HS3ST4: variants seen among roughly 807,000 people sequenced by gnomAD.
HS3ST4 encodes heparan sulfate glucosamine 3-O-sulfotransferase 4.
HS3ST4 carries 17 observed loss-of-function variants against 29.2 expected under a neutral mutation model. The ratio of observed to expected loss-of-function variants is 0.58; its 90% confidence interval spans 0.40 to 0.87. The LOEUF is 0.87. Among genes scored for constraint, HS3ST4 ranks in the 40% least tolerant of loss-of-function variants. The pLI, the probability that HS3ST4 is intolerant of heterozygous loss-of-function variation, is 0.00. For synonymous variants in HS3ST4, 314 were observed against 285.7 expected (o/e 1.10, Z -1.00); for missense variants, 627 against 634.5 (o/e 0.99, Z 0.13).
At chr16:26,102,834 AG>A (rs1436830255) in intron 1 of HS3ST4, among the ~76,000 whole-genome samples, 1 of 152,178 alleles carries the variant, frequency 6.6e-6, no homozygotes, top group Non-Finnish European at 1.5e-5. Flanking sequence ...AGTTTTTCAA[AG>A]GCGTTGCAGG....
At chr16:25,857,412 C>CT (rs1967584453) in intron 1 of HS3ST4, among the ~76,000 whole-genome samples, 1 of 152,146 alleles carries the variant, frequency 6.6e-6, no homozygotes, top group African/African-American at 2.4e-5. Flanking sequence ...TGTCTAAGGT[C>CT]TTTACATGCT....
chr16:25,964,950 A>C (rs1435339672), intron 1 of HS3ST4, among the ~76,000 whole-genome samples: 1 of 152,174 alleles, frequency 6.6e-6, no homozygotes, highest in Admixed American at 6.6e-5. Flanking sequence ...TTATTCTGCA[A>C]ATATTTAATA....
intron 1 of HS3ST4, among the ~76,000 whole-genome samples, chr16:25,873,534 C>G (rs1967790402): frequency 6.7e-6 from 1 of 149,416 alleles, no homozygotes; most frequent in African/African-American, 2.5e-5. Flanking sequence ...GTCTATCTAT[C>G]TATCTTTCTC....
At chr16:26,054,572 C>A (rs182230256) in intron 1 of HS3ST4, among the ~76,000 whole-genome samples, 3 of 152,238 alleles carry the variant, frequency 2.0e-5, no homozygotes, top group East Asian at 3.9e-4. Context: ...GTCCGAAAAC[C>A]ATTGGTGCAA....
At chr16:25,721,081 A>G (rs1226826652) in intron 1 of HS3ST4, among the ~76,000 whole-genome samples, 6 of 152,228 alleles carry the variant, frequency 3.9e-5, no homozygotes, top group Non-Finnish European at 8.8e-5. Context: ...AAAGGAAGTG[A>G]CACTTCAACT....
chr16:25,766,230 T>A (rs1167545040), intron 1 of HS3ST4, among the ~76,000 whole-genome samples: 1 of 151,800 alleles, frequency 6.6e-6, no homozygotes, highest in Non-Finnish European at 1.5e-5. Flanking sequence ...CCCAGGGTAG[T>A]GAGGATGAAG....
chr16:25,814,450 C>A (rs1967072595), intron 1 of HS3ST4, among the ~76,000 whole-genome samples: 1 of 152,170 alleles, frequency 6.6e-6, no homozygotes, highest in African/African-American at 2.4e-5. Flanking sequence ...GGATTTAAGC[C>A]ATTCTCCTGC....
chr16:25,776,899 T>C (rs1236836442), intron 1 of HS3ST4, among the ~76,000 whole-genome samples: 4 of 152,260 alleles, frequency 2.6e-5, no homozygotes, highest in Non-Finnish European at 5.9e-5. Flanking sequence ...GACTAAGTCA[T>C]GTTTGTCTAA....
At chr16:26,004,774 A>T (rs1310799429) in intron 1 of HS3ST4, among the ~76,000 whole-genome samples, 1 of 152,210 alleles carries the variant, frequency 6.6e-6, no homozygotes, top group East Asian at 1.9e-4. Context: ...ATGATGTGGC[A>T]CATCATGATA....
In HS3ST4 at chr16:25,980,891, A is replaced by G. The variant is rs148008584; in HGVS notation, c.735-154721A>G. Reference sequence around the variant, plus strand: ...AGTGAGTGCCTTTATTGTGGTTTTCATGGGAAAGAATGGGCGAGGCAGTGC... The same window carrying G: ...AGTGAGTGCCTTTATTGTGGTTTTCGTGGGAAAGAATGGGCGAGGCAGTGC... On this transcript the variant is annotated intron_variant, in intron 1 of 1. Transcript: ENST00000331351. Among the ~76,000 whole-genome samples, 744 of 152,258 alleles carry G rather than the reference A, an allele frequency of 4.9e-3. 9 individuals are homozygous for G. Among genetic ancestry groups the G allele is most frequent in the African/African-American group, 0.017 (708 of 41,554 alleles).
chr16:26,134,357 C>CTTTTTTTTTTTTTTTT (rs1167036022), intron 1 of HS3ST4, among the ~76,000 whole-genome samples: 15 of 109,066 alleles, frequency 1.4e-4, no homozygotes, highest in South Asian at 3.0e-4. Flanking sequence ...CTTTTCTTTT[C>CTTTTTTTTTTTTTTTT]TTTTCTTTTT....
At chr16:25,774,835 C>G (rs1360534837) in intron 1 of HS3ST4, among the ~76,000 whole-genome samples, 1 of 152,192 alleles carries the variant, frequency 6.6e-6, no homozygotes, top group Non-Finnish European at 1.5e-5. Flanking sequence ...CAGCAGTCTG[C>G]TTGCATTCCA....
chr16:25,876,535 A>G (rs1967834852), intron 1 of HS3ST4, among the ~76,000 whole-genome samples: 1 of 152,122 alleles, frequency 6.6e-6, no homozygotes, highest in Admixed American at 6.5e-5. Flanking sequence ...AGTGGAATTC[A>G]TACTCCTCTT....
At chr16:25,831,390 C>T (rs982731765) in intron 1 of HS3ST4, among the ~76,000 whole-genome samples, 10 of 124,642 alleles carry the variant, frequency 8.0e-5, no homozygotes, top group Admixed American at 2.5e-4. Context: ...AATGAGACCC[C>T]GTCTCTACAC....
intron 1 of HS3ST4, among the ~76,000 whole-genome samples, chr16:25,790,439 A>C (rs1317014546): frequency 6.6e-6 from 1 of 152,174 alleles, no homozygotes; most frequent in Non-Finnish European, 1.5e-5. Context: ...AAACAAACAA[A>C]TAAAAACTAA....
intron 1 of HS3ST4, among the ~76,000 whole-genome samples, chr16:26,111,478 C>T (rs538870830): frequency 3.3e-5 from 5 of 151,030 alleles, no homozygotes; most frequent in Non-Finnish European, 7.4e-5. Context: ...AAAACACAGG[C>T]AAAAATGTGT....
intron 1 of HS3ST4, among the ~76,000 whole-genome samples, chr16:25,745,885 T>C (rs1966682211): frequency 6.6e-6 from 1 of 152,230 alleles, no homozygotes; most frequent in African/African-American, 2.4e-5. Flanking sequence ...TCATCTGGTC[T>C]GTATAGTATC....
intron 1 of HS3ST4, among the ~76,000 whole-genome samples, chr16:25,785,580 G>GA (rs1966856659): frequency 6.6e-6 from 1 of 152,192 alleles, no homozygotes. Flanking sequence ...TATGTCAGAA[G>GA]ATTGGCATGA....
chr16:25,750,235 A>T (rs993286895), intron 1 of HS3ST4, among the ~76,000 whole-genome samples: 1 of 152,312 alleles, frequency 6.6e-6, no homozygotes, highest in East Asian at 1.9e-4. Context: ...TCCTCACAGC[A>T]TGGAGACCTC....
Sources: allele counts gnomAD v4.1 joint callset (sites outside exome capture counted in the v4.1 genomes callset), GRCh38; gene constraint gnomAD v4.1.1; transcripts MANE v1.5; gene names NCBI Gene and HGNC (gene_info 2026-07-23, HGNC 2026-07-21).